Variants in NEGR1 observed in about 807,000 individuals in gnomAD.
NEGR1 encodes IgLON family member 4.
A neutral mutation model predicts 40.9 loss-of-function variants in NEGR1; 10 were observed. The observed-to-expected ratio is 0.24, with a 90% CI of 0.15 to 0.42. NEGR1 has a LOEUF of 0.42. Among genes scored for constraint, NEGR1 ranks in the 10% least tolerant of loss-of-function variants. The pLI, the probability that NEGR1 is intolerant of heterozygous loss-of-function variation, is 1.00. For synonymous variants in NEGR1, 185 were observed against 166.8 expected (o/e 1.11, Z -0.84); for missense variants, 352 against 438.9 (o/e 0.80, Z 1.77).
chr1:72,217,463 G>T (rs1165235099), intron 1 of NEGR1, among the ~76,000 whole-genome samples: 1 of 151,550 alleles, frequency 6.6e-6, no homozygotes, highest in Non-Finnish European at 1.5e-5. Flanking sequence ...GACTTTCTGA[G>T]ATAAGGTTAA....
intron 1 of NEGR1, among the ~76,000 whole-genome samples, chr1:72,217,368 T>A (rs754593278): frequency 6.6e-6 from 1 of 151,926 alleles, no homozygotes; most frequent in Non-Finnish European, 1.5e-5. Context: ...CAGAGCCTTT[T>A]ATAATATATC....
chr1:71,418,414 C>T (rs974664610), intron 6 of NEGR1, among the ~76,000 whole-genome samples: 8 of 151,828 alleles, frequency 5.3e-5, no homozygotes, highest in South Asian at 2.1e-4. Context: ...CTCGGGTTCA[C>T]GCCATTCTCC....
chr1:71,968,404 T>C (rs1385302565), intron 1 of NEGR1, among the ~76,000 whole-genome samples: 1 of 152,222 alleles, frequency 6.6e-6, no homozygotes, highest in East Asian at 1.9e-4. Context: ...AGTACATTTC[T>C]TTTCTATTTG....
intron 4 of NEGR1, among the ~76,000 whole-genome samples, chr1:71,668,542 T>A (rs572485537): frequency 3.9e-5 from 6 of 152,292 alleles, no homozygotes; most frequent in African/African-American, 1.4e-4. Context: ...TCGTTAAAGC[T>A]TCATTGGTAC....
intron 1 of NEGR1, among the ~76,000 whole-genome samples, chr1:71,978,325 C>T (rs1349048631): frequency 1.3e-5 from 2 of 152,118 alleles, no homozygotes; most frequent in Admixed American, 6.6e-5. Context: ...GATCTATTGA[C>T]ATTTAAGAAG....
At chr1:71,694,121 T>C (rs751903221) in intron 4 of NEGR1, among the ~76,000 whole-genome samples, 6 of 151,678 alleles carry the variant, frequency 4.0e-5, no homozygotes, top group Non-Finnish European at 8.9e-5. Flanking sequence ...ATAACAACTA[T>C]GAACCTAGTG....
At chr1:71,720,653 A>G (rs563253432) in intron 3 of NEGR1, among the ~76,000 whole-genome samples, 1 of 152,274 alleles carries the variant, frequency 6.6e-6, no homozygotes, top group Admixed American at 6.5e-5. Flanking sequence ...CCTCATTTCA[A>G]CAGGCATGAT....
intron 2 of NEGR1, among the ~76,000 whole-genome samples, chr1:71,913,354 A>G (rs1255257236): frequency 6.6e-6 from 1 of 152,138 alleles, no homozygotes; most frequent in Non-Finnish European, 1.5e-5. Flanking sequence ...ACCTCAGATG[A>G]TTCGCCCACC....
intron 1 of NEGR1, among the ~76,000 whole-genome samples, chr1:71,970,274 G>A (rs1341520767): frequency 6.6e-6 from 1 of 152,152 alleles, no homozygotes; most frequent in Non-Finnish European, 1.5e-5. Context: ...ACGCAAGGAA[G>A]GGCCAGATCC....
chr1:72,260,881 G>A (rs11209941), intron 1 of NEGR1, among the ~76,000 whole-genome samples: 14,885 of 151,796 alleles, frequency 0.098, 2,464 homozygotes, highest in African/African-American at 0.34. Context: ...ATTAGTCTAG[G>A]AGCAAAATAT....
At chr1:71,692,331 A>G (rs1489609238) in intron 4 of NEGR1, among the ~76,000 whole-genome samples, 2 of 151,752 alleles carry the variant, frequency 1.3e-5, no homozygotes, top group Non-Finnish European at 1.5e-5. Context: ...CCTAAATTAC[A>G]AGCAGATATG....
chr1:72,135,839 T>C (rs1207065963), intron 1 of NEGR1, among the ~76,000 whole-genome samples: 1 of 152,178 alleles, frequency 6.6e-6, no homozygotes, highest in Non-Finnish European at 1.5e-5. Flanking sequence ...CTACATGCAA[T>C]AGAGTGACTA....
chr1:71,712,663 C>A (rs1043912857), intron 3 of NEGR1, among the ~76,000 whole-genome samples: 5 of 152,118 alleles, frequency 3.3e-5, no homozygotes, highest in African/African-American at 1.2e-4. Flanking sequence ...TTAAAATTTT[C>A]TTTTCAGAAT....
At chr1:71,833,949 T>G (rs1325004333) in intron 2 of NEGR1, among the ~76,000 whole-genome samples, 2 of 152,140 alleles carry the variant, frequency 1.3e-5, no homozygotes, top group Non-Finnish European at 2.9e-5. Context: ...GTTTCTGAAA[T>G]CATGGATTAT....
chr1:72,171,847 T>G (rs932276389), intron 1 of NEGR1, among the ~76,000 whole-genome samples: 2 of 152,172 alleles, frequency 1.3e-5, no homozygotes, highest in Admixed American at 6.5e-5. Context: ...TAAATGGATA[T>G]AAAAATCTTA....
At chr1:72,177,845 G>C (rs1385625344) in intron 1 of NEGR1, among the ~76,000 whole-genome samples, 1 of 151,292 alleles carries the variant, frequency 6.6e-6, no homozygotes, top group Non-Finnish European at 1.5e-5. Context: ...CAATGACTAG[G>C]GAACACCTCC....
intron 4 of NEGR1, among the ~76,000 whole-genome samples, chr1:71,644,642 C>T (rs892997996): frequency 2.6e-5 from 4 of 151,878 alleles, no homozygotes; most frequent in African/African-American, 9.7e-5. Flanking sequence ...GAGAATGCAA[C>T]TTAAATACAT....
At chr1:71,746,660 G>A (rs185299479) in intron 3 of NEGR1, among the ~76,000 whole-genome samples, 3 of 149,276 alleles carry the variant, frequency 2.0e-5, no homozygotes, top group East Asian at 3.9e-4. Context: ...TGCCACTTCT[G>A]TCAAAATACT....
intron 4 of NEGR1, among the ~76,000 whole-genome samples, chr1:71,697,746 T>C (rs946773961): frequency 1.3e-5 from 2 of 151,716 alleles, no homozygotes; most frequent in Non-Finnish European, 1.5e-5. Context: ...GACACCACAG[T>C]TTAGAATGCC....
Sources: gnomAD v4.1 joint callset for allele counts (sites outside exome capture counted in the v4.1 genomes callset) on GRCh38, gnomAD v4.1.1 for gene constraint, MANE v1.5 for transcripts, NCBI Gene and HGNC (gene_info 2026-07-23, HGNC 2026-07-21) for gene names.